The following RNASEH2B variants were observed in gnomAD, a reference collection of about 807,000 sequenced individuals.
The protein encoded by RNASEH2B is Aicardi-Goutieres syndrome 2 protein.
In RNASEH2B, 36 loss-of-function variants were observed where a neutral mutation model predicts 45.0. The observed-to-expected ratio is 0.80, with a 90% confidence interval of 0.61 to 1.06. The LOEUF (loss-of-function observed/expected upper bound fraction) is 1.06, where lower values mean the gene tolerates loss of function less well. RNASEH2B is among the 50% of genes least tolerant of loss of function. The pLI, the probability that RNASEH2B is intolerant of heterozygous loss-of-function variation, is 0.00. For missense variants in RNASEH2B, 361 were observed against 360.3 expected, an observed-to-expected ratio of 1.00 and a Z score of -0.02; for synonymous variants, 119 against 125.7, an observed-to-expected ratio of 0.95 and a Z score of 0.35.
At chr13:50,935,175 T>C in intron 5 of RNASEH2B, 176 bp downstream of exon 5, 1 of 614,194 alleles carries the variant, frequency 1.6e-6, no homozygotes, top group Non-Finnish European at 2.9e-6. Flanking sequence ...GAGTGTTTAG[T>C]CTTTGGAACT....
At chr13:50,947,520 G>A (rs1349951082) in intron 7 of RNASEH2B, among the ~76,000 whole-genome samples, 1 of 151,140 alleles carries the variant, frequency 6.6e-6, no homozygotes, top group Non-Finnish European at 1.5e-5. Flanking sequence ...GTAGAGACAT[G>A]GTATTTTATT....
At chr13:50,915,248 C>A in intron 1 of RNASEH2B, 1 of 395,886 alleles carries the variant, frequency 2.5e-6, no homozygotes, top group Non-Finnish European at 4.4e-6. Flanking sequence ...CCTTCTACTT[C>A]TATCCAAATT....
intron 10 of RNASEH2B, chr13:50,956,110 C>A: frequency 4.6e-6 from 2 of 431,362 alleles, no homozygotes; most frequent in South Asian, 2.3e-5. Context: ...CCAGTGTAAA[C>A]CATTGGTTGG....
At chr13:50,917,820 A>G (rs1376336887) in intron 1 of RNASEH2B, among the ~76,000 whole-genome samples, 1 of 152,100 alleles carries the variant, frequency 6.6e-6, no homozygotes, top group Non-Finnish European at 1.5e-5. Flanking sequence ...TCTCAGTTTG[A>G]TGACTAGGGA....
intron 1 of RNASEH2B, among the ~76,000 whole-genome samples, chr13:50,920,184 A>G (rs964410269): frequency 6.6e-6 from 1 of 152,164 alleles, no homozygotes; most frequent in African/African-American, 2.4e-5. Flanking sequence ...AGCTGGGATT[A>G]CAGGCATGTG....
intron 2 of RNASEH2B, among the ~76,000 whole-genome samples, chr13:50,929,165 G>A (rs1413613482): frequency 6.6e-6 from 1 of 152,110 alleles, no homozygotes; most frequent in Non-Finnish European, 1.5e-5. Flanking sequence ...TGTTTTGATA[G>A]TTTAGGAATG....
intron 1 of RNASEH2B, among the ~76,000 whole-genome samples, chr13:50,920,473 G>C (rs987098586): frequency 2.6e-5 from 4 of 152,216 alleles, no homozygotes; most frequent in Non-Finnish European, 2.9e-5. Context: ...TTAGTTTTAA[G>C]GAACCACAGG....
chr13:50,956,649 T>C lies in RNASEH2B; in HGVS notation c.*175T>C. 6.4e-6 allele frequency: 9 copies of C among 1,397,528 alleles called. No individual in the cohort carries two copies. In the South Asian group the frequency reaches 1.3e-4, roughly 20 times the overall value. The allele number at this position is 1,397,528 out of a possible 1,614,324, so 86.6% of individuals were successfully genotyped here. ...CCTGAACAAAATATGGGAAAGTGTCTAACTTCATGGCTATGGCCTTTTGGA... is the reference window on the plus strand; with the variant it reads ...CCTGAACAAAATATGGGAAAGTGTCCAACTTCATGGCTATGGCCTTTTGGA... On this transcript the variant is annotated 3_prime_UTR_variant, in exon 11 of 11. Transcript: ENST00000336617.
rs1951724161 is a variant in RNASEH2B at position 50,934,738 on chromosome 13, G to A, written c.322-147G>A. The stretch of plus-strand genomic sequence containing the variant: ...GGAGCTGGGGTCCGTCCTAGAGCCT[G>A]TCCCATTGTAGGGATTCCTTAGATG... On this transcript the variant is annotated intron_variant, in intron 4 of 10. Coordinates refer to ENST00000336617, the MANE Select transcript of RNASEH2B (RefSeq NM_024570.4). 3 of 689,048 alleles carry A rather than the reference G, an allele frequency of 4.4e-6. No individual in the cohort carries two copies. In the African/African-American group the frequency reaches 5.3e-5, roughly 12 times the overall value. 42.7% of individuals were successfully genotyped at this position (689,048 alleles called of 1,614,324 possible).
chr13:50,961,673 T>G (rs904296212), downstream of RNASEH2B, among the ~76,000 whole-genome samples: 1 of 152,134 alleles, frequency 6.6e-6, no homozygotes, highest in African/African-American at 2.4e-5. Flanking sequence ...GTAGGTATGC[T>G]CATTGCTATT....
intron 4 of RNASEH2B, among the ~76,000 whole-genome samples, chr13:50,931,844 A>C (rs1044116020): frequency 6.6e-6 from 1 of 152,184 alleles, no homozygotes; most frequent in African/African-American, 2.4e-5. Flanking sequence ...TCTTGCACTT[A>C]AAATGGATCT....
chr13:50,944,238 CATTG>C (rs1214858517), intron 6 of RNASEH2B, among the ~76,000 whole-genome samples: 2 of 152,016 alleles, frequency 1.3e-5, no homozygotes, highest in Admixed American at 6.6e-5. Flanking sequence ...TGTACTTTCA[CATTG>C]ATTAAGAATC....
chr13:50,966,267 TA>T (rs1952163821), intron 9 of RNASEH2B, among the ~76,000 whole-genome samples: 1 of 152,186 alleles, frequency 6.6e-6, no homozygotes, highest in African/African-American at 2.4e-5. Context: ...GATACAGACT[TA>T]AATCTACATA....
In RNASEH2B at chr13:50,951,394, G is replaced by A. The variant is rs188715244; in HGVS notation, c.741+1889G>A. ...GTATCTTTGTATCTATGTTGTAATC[G>A]ATAGCGTGGAGCCTGTCATCTTTAA... On this transcript the variant is annotated intron_variant, in intron 9 of 10. Coordinates refer to ENST00000336617, the MANE Select transcript of RNASEH2B (RefSeq NM_024570.4). 282 of 152,232 alleles carry A rather than the reference G, an allele frequency of 1.9e-3. 1 individual carries two copies. Among genetic ancestry groups the A allele is most frequent in the African/African-American group, 6.2e-3 (259 of 41,544 alleles). The allele number at this position is 152,232 out of a possible 1,614,324, so 9.4% of individuals were successfully genotyped here. A position where few individuals can be genotyped will look rare whatever the true frequency, so the allele number is the denominator to read the frequency against.
At chr13:50,929,706 G>T (rs1310386630) in intron 3 of RNASEH2B, 124 bp downstream of exon 3, 4 of 703,580 alleles carry the variant, frequency 5.7e-6, no homozygotes, top group African/African-American at 3.5e-5. Context: ...GCCTTCCTTG[G>T]CATGAGAGCA....
chr13:50,927,582 G>A, intron 2 of RNASEH2B, 104 bp downstream of exon 2: 1 of 783,754 alleles, frequency 1.3e-6, no homozygotes, highest in Admixed American at 1.8e-5. Context: ...AGCTTTTAAA[G>A]TTAAGATGGC....
intron 9 of RNASEH2B, chr13:50,951,600 CATT>C (rs2138012440): frequency 6.6e-6 from 1 of 152,216 alleles, no homozygotes; most frequent in South Asian, 2.1e-4. Flanking sequence ...GAAGGCCTAA[CATT>C]ATCCCTGTGG....
At chr13:50,928,055 A>G (rs933070537) in intron 2 of RNASEH2B, among the ~76,000 whole-genome samples, 4 of 151,114 alleles carry the variant, frequency 2.6e-5, no homozygotes, top group Non-Finnish European at 4.4e-5. Context: ...GAAAAATTTT[A>G]TTTTAACTTT....
intron 10 of RNASEH2B, 34 bp downstream of exon 10, chr13:50,954,019 A>T: frequency 7.7e-7 from 1 of 1,298,356 alleles, no homozygotes; most frequent in Non-Finnish European, 1.1e-6. Context: ...TGTTTCGTTC[A>T]TACTCAGTGC....
Sources: allele counts gnomAD v4.1 joint callset (sites outside exome capture counted in the v4.1 genomes callset), GRCh38; gene constraint gnomAD v4.1.1; transcripts MANE v1.5; gene names NCBI Gene and HGNC (gene_info 2026-07-23, HGNC 2026-07-21).